The following FMO2 variants were observed in gnomAD, a reference collection of about 807,000 sequenced individuals.
FMO2 encodes the protein flavin-containing monooxygenase 2.
A neutral mutation model predicts 41.6 loss-of-function variants in FMO2; 33 were observed. The observed-to-expected ratio is 0.79, with a 90% confidence interval of 0.60 to 1.06. The LOEUF (loss-of-function observed/expected upper bound fraction) is 1.06, where lower values mean the gene tolerates loss of function less well. FMO2 is among the 50% of genes least tolerant of loss of function. FMO2 has a pLI of 0.00. For missense variants in FMO2, 619 were observed against 632.9 expected (o/e 0.98, Z 0.23); for synonymous variants, 214 against 219.6 (o/e 0.97, Z 0.23).
At chr1:171,188,906 G>C (rs1283411936) in intron 2 of FMO2, 1 of 152,160 alleles carries the variant, frequency 6.6e-6, no homozygotes, top group Non-Finnish European at 1.5e-5. Flanking sequence ...TTTTCGTTCT[G>C]TTTCCAGCAA....
At chr1:171,197,604 G>A (rs1307893421) in intron 4 of FMO2, among the ~76,000 whole-genome samples, 1 of 152,190 alleles carries the variant, frequency 6.6e-6, no homozygotes, top group Non-Finnish European at 1.5e-5. Context: ...TGAATGTCCT[G>A]TCCAAAACTC....
In FMO2 at chr1:171,207,788, C is replaced by A. The variant is rs1424767868; in HGVS notation, c.1254C>A (p.Asp418Glu). 1.9e-6 allele frequency: 3 copies of A among 1,585,100 alleles called. No homozygotes were observed. In the South Asian group the frequency reaches 3.3e-5, roughly 18 times the overall value. Residue 418 changes from aspartate (D) to glutamate (E), a missense_variant and splice_region_variant, in exon 8 of 9, where the codon GAC becomes GAA. Transcript: ENST00000209929. Reference protein sequence around the residue: ...DIIKRNEKRIDLFGESQSQTL... With the variant: ...DIIKRNEKRIELFGESQSQTL... ...TCAAAAGGAATGAAAAAAGAATTGA[C>A]CTGTAAGAATTTTTTTTAATTCTTT...
chr1:171,189,825 T>C (rs1183291172), intron 2 of FMO2, among the ~76,000 whole-genome samples: 1 of 152,042 alleles, frequency 6.6e-6, no homozygotes, highest in East Asian at 1.9e-4. Context: ...ATGCAACTGG[T>C]CCACTGACTG....
At chr1:171,202,242 G>A (rs1002779328) in intron 5 of FMO2, among the ~76,000 whole-genome samples, 1 of 152,104 alleles carries the variant, frequency 6.6e-6, no homozygotes, top group Non-Finnish European at 1.5e-5. Context: ...AAGAAGAGGG[G>A]ACAGTAAGTA....
At chr1:171,191,302 A>G (rs545803404) in intron 2 of FMO2, among the ~76,000 whole-genome samples, 1 of 152,090 alleles carries the variant, frequency 6.6e-6, no homozygotes, top group Non-Finnish European at 1.5e-5. Context: ...TCTTCTCATC[A>G]CTCAAAATTC....
rs574231506 is a variant in FMO2 at position 171,203,904 on chromosome 1, C to T, written c.667C>T (p.Arg223Cys). 5.0e-6 allele frequency: 8 copies of T among 1,613,578 alleles called. No individual in the cohort carries two copies. Among genetic ancestry groups the T allele is most frequent in the African/African-American group, 4.0e-5 (3 of 74,996 alleles). The change falls in exon 6 of 9, where the codon CGT becomes TGT. Residue 223 changes from arginine to cysteine, a missense_variant. Coordinates refer to ENST00000209929, the MANE Select transcript of FMO2 (RefSeq NM_001460.5). ...CAGGCATGGCACCTGGGTCATGAGCCGTATCTCTGAAGATGGCTATCCTTG... is the reference window on the plus strand; with the variant it reads ...CAGGCATGGCACCTGGGTCATGAGCTGTATCTCTGAAGATGGCTATCCTTG... The part of the protein sequence containing the change: ...STRHGTWVMS[R>C]ISEDGYPWDS...
At chr1:171,199,792 G>T (rs1253567831) in intron 5 of FMO2, among the ~76,000 whole-genome samples, 1 of 152,098 alleles carries the variant, frequency 6.6e-6, no homozygotes, top group Non-Finnish European at 1.5e-5. Context: ...ATGGCTCACT[G>T]CAGCCTTGAC....
intron 2 of FMO2, among the ~76,000 whole-genome samples, chr1:171,189,795 A>C (rs370501081): frequency 6.6e-6 from 1 of 151,578 alleles, no homozygotes; most frequent in Non-Finnish European, 1.5e-5. Flanking sequence ...GTGCCACCAC[A>C]CATCTGGACC....
At chr1:171,193,999 C>T (rs1243340082) in intron 3 of FMO2, among the ~76,000 whole-genome samples, 5 of 152,026 alleles carry the variant, frequency 3.3e-5, no homozygotes, top group East Asian at 1.9e-4. Context: ...AGGCTGGTCT[C>T]GAACTCCTGA....
intron 7 of FMO2, 93 bp from the exon 8 acceptor site, chr1:171,207,625 C>A: frequency 1.1e-6 from 1 of 903,292 alleles, no homozygotes; most frequent in Non-Finnish European, 1.8e-6. Flanking sequence ...TGACATGGTT[C>A]AATGTCCAGA....
intron 2 of FMO2, among the ~76,000 whole-genome samples, chr1:171,188,030 A>ATTTTTT (rs67830022): frequency 6.1e-5 from 6 of 97,694 alleles, no homozygotes; most frequent in Non-Finnish European, 1.2e-4. Context: ...TTCAGCTGGA[A>ATTTTTT]TTTTTTTTTT....
At chr1:171,205,197 A>G in intron 6 of FMO2, 82 bp from the exon 7 acceptor site, 1 of 791,178 alleles carries the variant, frequency 1.3e-6, no homozygotes, top group Non-Finnish European at 2.0e-6. Context: ...TTATTTTCAG[A>G]GCCGTACCCC....
At chr1:171,191,986 A>C (rs913551770) in intron 2 of FMO2, among the ~76,000 whole-genome samples, 3 of 151,864 alleles carry the variant, frequency 2.0e-5, no homozygotes, top group Non-Finnish European at 2.9e-5. Context: ...CGTGAGCCAT[A>C]ATCATGTCAC....
chr1:171,190,991 C>T (rs1557974666), intron 2 of FMO2, among the ~76,000 whole-genome samples: 2 of 151,888 alleles, frequency 1.3e-5, no homozygotes, highest in Non-Finnish European at 2.9e-5. Context: ...ACTAAAAATA[C>T]AAAATTAGCT....
chr1:171,196,920 C>T (rs1366213299), intron 4 of FMO2, 109 bp downstream of exon 4: 2 of 924,992 alleles, frequency 2.2e-6, no homozygotes, highest in African/African-American at 1.6e-5. Flanking sequence ...GAACTTGGCT[C>T]AATAAGATTG....
At chr1:171,196,577 A>G in intron 3 of FMO2, 72 bp from the exon 4 acceptor site, 1 of 1,418,082 alleles carries the variant, frequency 7.1e-7, no homozygotes, top group East Asian at 2.3e-5. Flanking sequence ...TGAAGCAGCA[A>G]TGAGAAAGAC....
chr1:171,185,596 T>C (rs1272991133), intron 1 of FMO2, 112 bp from the exon 2 acceptor site: 18 of 1,028,378 alleles, frequency 1.8e-5, no homozygotes, highest in Non-Finnish European at 2.0e-5. Context: ...ATAGTGCTGC[T>C]TATTAAATTA....
At chr1:171,208,704 T>A in intron 8 of FMO2, 90 bp from the exon 9 acceptor site, 2 of 1,201,516 alleles carry the variant, frequency 1.7e-6, no homozygotes, top group Admixed American at 2.0e-5. Context: ...ATTCACTCAT[T>A]CCTTCATTCC....
At chr1:171,200,539 C>A (rs1658492526) in intron 5 of FMO2, among the ~76,000 whole-genome samples, 1 of 152,124 alleles carries the variant, frequency 6.6e-6, no homozygotes, top group African/African-American at 2.4e-5. Flanking sequence ...CTAAGTCTTA[C>A]ACTTTCAGGA....
Sources: allele counts gnomAD v4.1 joint callset (sites outside exome capture counted in the v4.1 genomes callset), GRCh38; gene constraint gnomAD v4.1.1; transcripts MANE v1.5; gene names NCBI Gene and HGNC (gene_info 2026-07-23, HGNC 2026-07-21).